STK32C: variants seen among roughly 807,000 people sequenced by gnomAD.
STK32C encodes serine/threonine kinase 32C, also known as serine/threonine-protein kinase 32C.
STK32C carries 31 observed loss-of-function variants against 56.5 expected under a neutral mutation model. That is an observed-to-expected ratio of 0.55 (90% CI 0.41 to 0.74). The LOEUF (loss-of-function observed/expected upper bound fraction) is 0.74, where lower values mean the gene tolerates loss of function less well. Ranked by LOEUF, STK32C falls within the 30% of genes least tolerant of loss-of-function variation. The pLI is 0.00. For missense variants in STK32C, 544 were observed against 676.9 expected, an observed-to-expected ratio of 0.80 and a Z score of 2.18; for synonymous variants, 309 against 289.4, an observed-to-expected ratio of 1.07 and a Z score of -0.69.
chr10:132,238,776 T>C (rs7923638), intron 2 of STK32C, among the ~76,000 whole-genome samples: 27,668 of 152,020 alleles, frequency 0.18, 2,647 homozygotes, highest in South Asian at 0.32. Context: ...ACATGTGCAA[T>C]GCATGCACAC....
At chr10:132,279,155 G>C (rs2065077442) in intron 1 of STK32C, among the ~76,000 whole-genome samples, 1 of 152,170 alleles carries the variant, frequency 6.6e-6, no homozygotes, top group Admixed American at 6.5e-5. Flanking sequence ...TTGCAACTGT[G>C]AAGTTCCACA....
intron 1 of STK32C, among the ~76,000 whole-genome samples, chr10:132,268,558 T>TCA: frequency 7.0e-6 from 1 of 143,042 alleles, no homozygotes; most frequent in Non-Finnish European, 1.5e-5. Context: ...TGTGTGTGTG[T>TCA]GTGCCTGCGT....
chr10:132,277,726 G>A (rs1012727798), intron 1 of STK32C, among the ~76,000 whole-genome samples: 2 of 152,340 alleles, frequency 1.3e-5, no homozygotes, highest in African/African-American at 2.4e-5. Flanking sequence ...ATTGTGGGGA[G>A]CAGGGTGTCT....
chr10:132,207,770 C>T lies in STK32C; in HGVS notation c.*240G>A, dbSNP rs193148166. On this transcript the variant is annotated 3_prime_UTR_variant, in exon 12 of 12. Transcript: ENST00000298630. ...GTAAGAGGGCGCCCAGCAGCGCTTC[C>T]TCCATCTAGGCGGGTCTCGGGGGCC... 1.1e-4 allele frequency: 48 copies of T among 424,800 alleles called. No homozygotes were observed. The highest frequency in any genetic ancestry group is 4.6e-5 in the Admixed American group (1 of 21,878). The allele number at this position is 424,800 out of a possible 1,614,324, so 26.3% of individuals were successfully genotyped here.
At chr10:132,261,899 C>T (rs1469375816) in intron 1 of STK32C, among the ~76,000 whole-genome samples, 2 of 152,202 alleles carry the variant, frequency 1.3e-5, no homozygotes, top group African/African-American at 4.8e-5. Context: ...AATGCTCCTC[C>T]TATCAAACTA....
chr10:132,259,924 G>A (rs756775468), intron 1 of STK32C, among the ~76,000 whole-genome samples: 3 of 152,202 alleles, frequency 2.0e-5, no homozygotes, highest in South Asian at 2.1e-4. Flanking sequence ...TAAGCCCATC[G>A]GGCTTCGCAG....
intron 2 of STK32C, among the ~76,000 whole-genome samples, chr10:132,237,484 G>A (rs1422183024): frequency 3.9e-5 from 6 of 152,264 alleles, no homozygotes; most frequent in Non-Finnish European, 7.3e-5. Flanking sequence ...AGACGGGCCC[G>A]GCAAATTCCC....
intron 2 of STK32C, among the ~76,000 whole-genome samples, chr10:132,239,291 C>G (rs559783994): frequency 6.6e-6 from 1 of 152,308 alleles, no homozygotes; most frequent in South Asian, 2.1e-4. Flanking sequence ...GAGAGCAGGT[C>G]AGCTCAACCC....
At chr10:132,309,305 G>C (rs1482659161), upstream of STK32C, among the ~76,000 whole-genome samples, 2 of 152,114 alleles carry the variant, frequency 1.3e-5, no homozygotes, top group Admixed American at 6.5e-5. Flanking sequence ...ATAAGGAATG[G>C]AACCATGCCC....
intron 10 of STK32C, among the ~76,000 whole-genome samples, chr10:132,217,582 C>T (rs2814200): frequency 0.077 from 11,701 of 152,140 alleles, 532 homozygotes; most frequent in Middle Eastern, 0.15. Flanking sequence ...GGCTCTGTCC[C>T]CATCCCAATC....
intron 2 of STK32C, among the ~76,000 whole-genome samples, chr10:132,236,532 G>T (rs1382506339): frequency 2.0e-5 from 3 of 152,340 alleles, no homozygotes; most frequent in Non-Finnish European, 4.4e-5. Context: ...TCGCGGGCTC[G>T]CTGCAGGACA....
exon 1 of STK32C, chr10:132,331,829 C>G (rs1262440132): frequency 6.5e-7 from 1 of 1,538,252 alleles, no homozygotes; most frequent in East Asian, 2.3e-5. Flanking sequence ...CCTTCAAGGC[C>G]GCGGGCGCGG....
At chr10:132,267,409 T>C (rs891010445) in intron 1 of STK32C, among the ~76,000 whole-genome samples, 26 of 152,344 alleles carry the variant, frequency 1.7e-4, no homozygotes, top group African/African-American at 6.0e-4. Context: ...GCATGTATGT[T>C]TCTGGGGCTA....
chr10:132,320,226 A>G (rs1263733252), downstream of STK32C, among the ~76,000 whole-genome samples: 1 of 152,074 alleles, frequency 6.6e-6, no homozygotes, highest in Non-Finnish European at 1.5e-5. Context: ...GATGGGTGCT[A>G]TGGCTGAATG....
intron 1 of STK32C, among the ~76,000 whole-genome samples, chr10:132,285,952 A>G (rs752822498): frequency 6.6e-6 from 1 of 152,064 alleles, no homozygotes; most frequent in East Asian, 1.9e-4. Flanking sequence ...GTGAAATCCC[A>G]TCTCTACTAA....
At chr10:132,232,300 T>C (rs554805962) in intron 2 of STK32C, among the ~76,000 whole-genome samples, 1 of 152,272 alleles carries the variant, frequency 6.6e-6, no homozygotes, top group Admixed American at 6.5e-5. Flanking sequence ...TCCGTTGAAA[T>C]GGATTTGATT....
intron 9 of STK32C, 27 bp from the exon 10 acceptor site, chr10:132,222,799 G>T: frequency 6.3e-7 from 1 of 1,591,844 alleles, no homozygotes; most frequent in Non-Finnish European, 8.5e-7. Flanking sequence ...GCTGAGCCCC[G>T]GCCCGTGGAG....
chr10:132,270,275 G>A (rs2064772529), intron 1 of STK32C, among the ~76,000 whole-genome samples: 1 of 152,264 alleles, frequency 6.6e-6, no homozygotes, highest in African/African-American at 2.4e-5. Context: ...ATCTTGAGAG[G>A]GTGGGACTCC....
chr10:132,208,104 T>C lies in STK32C; in HGVS notation c.1367A>G (p.Glu456Gly). Residue 456 changes from glutamate (E) to glycine (G), a missense_variant, in exon 12 of 12, where the codon GAG becomes GGG. By Grantham distance (98) the Glu-to-Gly change is moderately conservative. Transcript: ENST00000298630. ...CACAGGCTCCGCAGCATCCCTGGAC[T>C]CAGGGGCGGGGAGAGGCTCCCTCGG... is the stretch of plus-strand genomic sequence containing the variant. ...DLPREPLPAP[E>G]SRDAAEPVED... 1 of 1,311,296 alleles carries C rather than the reference T, an allele frequency of 7.6e-7. No homozygotes were observed. The highest frequency in any genetic ancestry group is 9.8e-7 in the Non-Finnish European group (1 of 1,021,524). 81.2% of individuals were successfully genotyped at this position (1,311,296 alleles called of 1,614,324 possible). A position where few individuals can be genotyped will look rare whatever the true frequency, so the allele number is the denominator to read the frequency against.
Sources: gnomAD v4.1 joint callset for allele counts (sites outside exome capture counted in the v4.1 genomes callset) on GRCh38, gnomAD v4.1.1 for gene constraint, MANE v1.5 for transcripts, NCBI Gene and HGNC (gene_info 2026-07-23, HGNC 2026-07-21) for gene names.